Variants in KCNAB1 observed in about 807,000 individuals in gnomAD.
KCNAB1 encodes the protein potassium voltage-gated channel subfamily A regulatory beta subunit 1.
A neutral mutation model predicts 64.6 loss-of-function variants in KCNAB1; 35 were observed. That is an observed-to-expected ratio of 0.54 (90% CI 0.41 to 0.72). The LOEUF is 0.72. Ranked by LOEUF, KCNAB1 falls within the 30% of genes least tolerant of loss-of-function variation. The pLI is 0.00. For synonymous variants in KCNAB1, 177 were observed against 183.8 expected (o/e 0.96, Z 0.30); for missense variants, 401 against 512.9 (o/e 0.78, Z 2.11).
Position 156,405,750 on chromosome 3 carries a change from G to A in KCNAB1, c.276-15866G>A, listed in dbSNP as rs180829641. ...GTTTTAATAAAATACTCTTTTAAAC[G>A]TAATTTCAAATAGTTACATAATAAC... On this transcript the variant is annotated intron_variant, in intron 1 of 13. Transcript: ENST00000490337. Among the ~76,000 whole-genome samples, 56 of 151,936 alleles carry A rather than the reference G, an allele frequency of 3.7e-4. 3 individuals carry two copies. Among genetic ancestry groups the A allele is most frequent in the East Asian group, 2.5e-3 (13 of 5,180 alleles).
intron 2 of KCNAB1, among the ~76,000 whole-genome samples, chr3:156,426,404 T>G (rs1287056325): frequency 6.6e-6 from 1 of 152,226 alleles, no homozygotes; most frequent in Non-Finnish European, 1.5e-5. Flanking sequence ...TACACATGCA[T>G]AACCTCCCTC....
At chr3:156,457,115 T>C (rs1357744011) in intron 3 of KCNAB1, 2 of 764,242 alleles carry the variant, frequency 2.6e-6, no homozygotes, top group African/African-American at 3.7e-5. Context: ...CACACAGTGA[T>C]ACAAATGGCC....
At chr3:156,408,051 G>T (rs1461385716) in intron 1 of KCNAB1, among the ~76,000 whole-genome samples, 1 of 152,132 alleles carries the variant, frequency 6.6e-6, no homozygotes, top group African/African-American at 2.4e-5. Flanking sequence ...TGACGGGGGA[G>T]GGGGTGCAGT....
chr3:156,141,772 G>A (rs1257065437), intron 1 of KCNAB1, among the ~76,000 whole-genome samples: 1 of 152,160 alleles, frequency 6.6e-6, no homozygotes, highest in Non-Finnish European at 1.5e-5. Flanking sequence ...ATTTCTCTGG[G>A]ATAAATGCCC....
intron 1 of KCNAB1, among the ~76,000 whole-genome samples, chr3:156,401,181 G>A (rs559578226): frequency 6.6e-6 from 1 of 152,270 alleles, no homozygotes; most frequent in South Asian, 2.1e-4. Flanking sequence ...TGGATTTTTG[G>A]TAAATAAACA....
chr3:156,363,729 G>A (rs1358140647), intron 1 of KCNAB1, among the ~76,000 whole-genome samples: 1 of 152,168 alleles, frequency 6.6e-6, no homozygotes, highest in Non-Finnish European at 1.5e-5. Context: ...GCCTGCCTTG[G>A]CATCCCAAAG....
chr3:156,403,663 G>C (rs1714053471), intron 1 of KCNAB1, among the ~76,000 whole-genome samples: 1 of 152,250 alleles, frequency 6.6e-6, no homozygotes, highest in South Asian at 2.1e-4. Flanking sequence ...GGGAGGCCGA[G>C]GTGGGCAGAT....
chr3:156,197,228 A>G (rs981621003), intron 1 of KCNAB1, among the ~76,000 whole-genome samples: 5 of 152,180 alleles, frequency 3.3e-5, no homozygotes, highest in African/African-American at 1.2e-4. Flanking sequence ...GGATTTTTGC[A>G]TTGATGTTCA....
At chr3:156,251,529 C>T (rs908928385) in intron 1 of KCNAB1, among the ~76,000 whole-genome samples, 67 of 152,014 alleles carry the variant, frequency 4.4e-4, no homozygotes, top group African/African-American at 1.6e-3. Flanking sequence ...ACATATTTAC[C>T]CCTGGAGAGA....
At chr3:156,130,876 G>A (rs1378766018) in intron 1 of KCNAB1, among the ~76,000 whole-genome samples, 2 of 152,234 alleles carry the variant, frequency 1.3e-5, no homozygotes, top group African/African-American at 4.8e-5. Flanking sequence ...ATAGCAAAGG[G>A]TTGTGTCATA....
intron 6 of KCNAB1, among the ~76,000 whole-genome samples, chr3:156,465,348 C>T (rs548314704): frequency 2.1e-4 from 32 of 152,260 alleles, no homozygotes; most frequent in East Asian, 7.7e-4. Context: ...GTGAAAAGGT[C>T]GTACAGTGTC....
intron 2 of KCNAB1, among the ~76,000 whole-genome samples, chr3:156,421,978 T>A (rs1715495163): frequency 6.6e-6 from 1 of 152,174 alleles, no homozygotes; most frequent in Admixed American, 6.5e-5. Flanking sequence ...TTTTATAGGT[T>A]CAGTTCACCA....
rs111256767 is a variant in KCNAB1 at position 156,422,379 on chromosome 3, G to A, written c.319+720G>A. 1.7e-3 allele frequency among the ~76,000 whole-genome samples: 252 copies of A among 152,288 alleles called. 2 individuals are homozygous for A. The highest frequency in any genetic ancestry group is 5.8e-3 in the African/African-American group (241 of 41,554). Reference sequence around the variant, plus strand: ...TGTTCTGTGACCTAAGTCTAGACCAGGATGGTAACTGAGGAAGTAGTGAGG... The same window carrying A: ...TGTTCTGTGACCTAAGTCTAGACCAAGATGGTAACTGAGGAAGTAGTGAGG... On this transcript the variant is annotated intron_variant, in intron 2 of 13. Transcript: ENST00000490337.
chr3:156,279,033 G>A (rs1433218224), intron 1 of KCNAB1, among the ~76,000 whole-genome samples: 2 of 151,676 alleles, frequency 1.3e-5, no homozygotes, highest in Non-Finnish European at 2.9e-5. Flanking sequence ...AGTTACATAT[G>A]TATACATGTG....
rs2108278057 is a variant in KCNAB1 at position 156,452,265 on chromosome 3, G to A, written c.320-634G>A. ...TACAAAGTTTCAAACGTCTTTGGCT[G>A]CTGAGTGTGCATCTCTCCCCTTGCC... is the stretch of plus-strand genomic sequence containing the variant. On this transcript the variant is annotated intron_variant, in intron 2 of 13. Transcript: ENST00000490337. The surrounding 1 kb of genome is among the most constrained non-coding windows in gnomAD (Gnocchi z 4.6). Among the ~76,000 whole-genome samples the A allele has an allele frequency of 6.6e-6, 1 of 152,284 alleles. No homozygotes were observed. The highest frequency in any genetic ancestry group is 2.1e-4 in the South Asian group (1 of 4,828).
At chr3:156,140,204 AT>A (rs1714625493) in intron 1 of KCNAB1, among the ~76,000 whole-genome samples, 1 of 152,286 alleles carries the variant, frequency 6.6e-6, no homozygotes, top group African/African-American at 2.4e-5. Context: ...AACATTCTTC[AT>A]TTTTATTGCA....
intron 2 of KCNAB1, among the ~76,000 whole-genome samples, chr3:156,431,452 T>C (rs534774143): frequency 6.6e-6 from 1 of 152,314 alleles, no homozygotes; most frequent in South Asian, 2.1e-4. Flanking sequence ...GCTGTGTCTG[T>C]GCCTGCCTCT....
intron 2 of KCNAB1, among the ~76,000 whole-genome samples, chr3:156,434,660 ATG>A (rs1716465684): frequency 6.6e-6 from 1 of 152,152 alleles, no homozygotes; most frequent in South Asian, 2.1e-4. Flanking sequence ...AAATAAATAA[ATG>A]GGCAAACAGA....
intron 2 of KCNAB1, among the ~76,000 whole-genome samples, chr3:156,438,915 G>C (rs887134577): frequency 2.0e-5 from 3 of 152,164 alleles, no homozygotes; most frequent in African/African-American, 7.2e-5. Flanking sequence ...TCAGGAGGCT[G>C]AGGCAGGAGA....
Sources: allele counts gnomAD v4.1 joint callset (sites outside exome capture counted in the v4.1 genomes callset), GRCh38; gene constraint gnomAD v4.1.1; non-coding constraint Gnocchi (gnomAD v3.1); transcripts MANE v1.5; gene names NCBI Gene and HGNC (gene_info 2026-07-23, HGNC 2026-07-21).